IQCJ: variants seen among roughly 807,000 people sequenced by gnomAD.
IQCJ encodes IQ motif containing J, also known as IQ domain-containing protein J.
IQCJ carries 9 observed loss-of-function variants against 11.0 expected under a neutral mutation model. The ratio of observed to expected loss-of-function variants is 0.82; its 90% confidence interval spans 0.49 to 1.43. IQCJ has a LOEUF of 1.43. Ranked by LOEUF, IQCJ falls within the 40% of genes most tolerant of loss-of-function variation. IQCJ has a pLI of 0.00. For missense variants in IQCJ, 146 were observed against 133.2 expected (o/e 1.10, Z -0.47); for synonymous variants, 55 against 51.3 (o/e 1.07, Z -0.31).
intron 1 of IQCJ, among the ~76,000 whole-genome samples, chr3:159,082,486 A>T (rs561767216): frequency 9.9e-5 from 15 of 152,090 alleles, no homozygotes; most frequent in Middle Eastern, 6.8e-3. Flanking sequence ...TAGGGGAAAG[A>T]TATGTGAAAA....
At chr3:159,130,361 C>T (rs1006311260) in intron 1 of IQCJ, among the ~76,000 whole-genome samples, 4 of 152,102 alleles carry the variant, frequency 2.6e-5, no homozygotes, top group Admixed American at 2.6e-4. Flanking sequence ...GTAGGTAGAG[C>T]TTTGACTTTC....
intron 1 of IQCJ, among the ~76,000 whole-genome samples, chr3:159,243,432 C>A (rs1184820812): frequency 6.6e-6 from 1 of 151,958 alleles, no homozygotes; most frequent in East Asian, 1.9e-4. Context: ...AACTACTCAG[C>A]AATAAAAAGA....
chr3:159,090,995 A>G (rs966487482), intron 1 of IQCJ, among the ~76,000 whole-genome samples: 1 of 151,856 alleles, frequency 6.6e-6, no homozygotes, highest in Non-Finnish European at 1.5e-5. Context: ...CTAAATCCCT[A>G]AATTATAGTG....
At chr3:159,201,764 C>T (rs531591862) in intron 1 of IQCJ, among the ~76,000 whole-genome samples, 2 of 151,440 alleles carry the variant, frequency 1.3e-5, no homozygotes, top group East Asian at 3.9e-4. Flanking sequence ...TCACCTGCCT[C>T]AGCCTGATAA....
chr3:159,141,487 A>C (rs754949747), intron 1 of IQCJ, among the ~76,000 whole-genome samples: 1 of 152,202 alleles, frequency 6.6e-6, no homozygotes, highest in Non-Finnish European at 1.5e-5. Flanking sequence ...TAGAATTTTG[A>C]CAATCAAGAT....
chr3:159,255,728 A>T (rs1727859572), intron 3 of IQCJ, among the ~76,000 whole-genome samples: 3 of 152,204 alleles, frequency 2.0e-5, no homozygotes, highest in Admixed American at 2.0e-4. Flanking sequence ...AGACCAGAGG[A>T]TCAAAAGAGT....
intron 1 of IQCJ, among the ~76,000 whole-genome samples, chr3:159,103,351 C>T (rs887256153): frequency 6.6e-6 from 1 of 152,058 alleles, no homozygotes; most frequent in Non-Finnish European, 1.5e-5. Flanking sequence ...TTATGCTTTC[C>T]CCTTTTAGGC....
intron 1 of IQCJ, among the ~76,000 whole-genome samples, chr3:159,172,946 A>C (rs2108240657): frequency 6.6e-6 from 1 of 152,290 alleles, no homozygotes; most frequent in Non-Finnish European, 1.5e-5. Context: ...TACTTTCCTA[A>C]GTCACTGCGT....
chr3:159,215,613 A>C (rs1725181348), intron 1 of IQCJ, among the ~76,000 whole-genome samples: 1 of 152,168 alleles, frequency 6.6e-6, no homozygotes, highest in Non-Finnish European at 1.5e-5. Flanking sequence ...GTGCAAATGG[A>C]GGTAAAATGA....
intron 1 of IQCJ, among the ~76,000 whole-genome samples, chr3:159,078,053 G>A (rs1164303856): frequency 1.1e-5 from 1 of 93,932 alleles, no homozygotes; most frequent in Non-Finnish European, 3.0e-5. Context: ...TTAACATCAA[G>A]TCACAGGAGA....
intron 1 of IQCJ, among the ~76,000 whole-genome samples, chr3:159,085,466 A>T (rs1348534125): frequency 6.6e-6 from 1 of 151,588 alleles, no homozygotes; most frequent in African/African-American, 2.4e-5. Flanking sequence ...TGGTATTTCT[A>T]GTTCTAGATC....
At chr3:159,250,371 T>A (rs1727525683) in intron 2 of IQCJ, among the ~76,000 whole-genome samples, 1 of 152,166 alleles carries the variant, frequency 6.6e-6, no homozygotes, top group Non-Finnish European at 1.5e-5. Context: ...TAATTTGTAA[T>A]TAATAAGTAA....
intron 1 of IQCJ, among the ~76,000 whole-genome samples, chr3:159,157,317 C>T (rs190551264): frequency 2.6e-5 from 4 of 152,270 alleles, no homozygotes; most frequent in African/African-American, 7.2e-5. Flanking sequence ...TTTCAACTTG[C>T]GGTCAGTCTG....
chr3:159,245,960 A>G, intron 2 of IQCJ, 53 bp downstream of exon 2: 3 of 1,352,930 alleles, frequency 2.2e-6, no homozygotes, highest in South Asian at 2.7e-5. Context: ...AGCTTGAGTA[A>G]AAAGAAAATC....
intron 1 of IQCJ, among the ~76,000 whole-genome samples, chr3:159,220,696 A>G (rs1050511845): frequency 2.6e-5 from 4 of 152,182 alleles, no homozygotes; most frequent in Admixed American, 2.0e-4. Context: ...AGAACAACAA[A>G]AATACCACAC....
chr3:159,169,279 C>CTTTTTTTTT (rs141888128), intron 1 of IQCJ, among the ~76,000 whole-genome samples: 2 of 56,398 alleles, frequency 3.5e-5, no homozygotes, highest in Non-Finnish European at 6.2e-5. Context: ...TTCTTTCTTT[C>CTTTTTTTTT]TTTTTTTTTT....
At chr3:159,254,418 T>C (rs73031437) in intron 3 of IQCJ, among the ~76,000 whole-genome samples, 2,413 of 152,248 alleles carry the variant, frequency 0.016, 81 homozygotes, top group African/African-American at 0.055. Context: ...GAGTCTCAGC[T>C]CAATGAGGTG....
At chr3:159,095,395 G>C (rs938614326) in intron 1 of IQCJ, among the ~76,000 whole-genome samples, 1 of 149,210 alleles carries the variant, frequency 6.7e-6, no homozygotes, top group African/African-American at 2.5e-5. Flanking sequence ...CTAAGTTTTA[G>C]GGTACATGTG....
chr3:159,175,910 A>G (rs888395691), intron 1 of IQCJ, among the ~76,000 whole-genome samples: 1 of 152,186 alleles, frequency 6.6e-6, no homozygotes, highest in Non-Finnish European at 1.5e-5. Flanking sequence ...TGGCTGTACC[A>G]TTTTACATTC....
Sources: gnomAD v4.1 joint callset for allele counts (sites outside exome capture counted in the v4.1 genomes callset) on GRCh38, gnomAD v4.1.1 for gene constraint, MANE v1.5 for transcripts, NCBI Gene and HGNC (gene_info 2026-07-23, HGNC 2026-07-21) for gene names.